The following FER1L6 variants were observed in gnomAD, a reference collection of about 807,000 sequenced individuals.
FER1L6 encodes fer-1 like family member 6, also known as fer-1-like protein 6.
A neutral mutation model predicts 219.2 loss-of-function variants in FER1L6; 177 were observed. The observed-to-expected ratio is 0.81, with a 90% CI of 0.71 to 0.91. The LOEUF is 0.91. FER1L6 is among the 40% of genes least tolerant of loss of function. FER1L6 has a pLI of 0.00. For synonymous variants in FER1L6, 768 were observed against 824.3 expected, an observed-to-expected ratio of 0.93 and a Z score of 1.17; for missense variants, 2,153 against 2,259.9, an observed-to-expected ratio of 0.95 and a Z score of 0.96.
At position 124,114,907 on chromosome 8, in the gene FER1L6, A is replaced by G. The variant is rs956445560; in HGVS notation, c.5290-3937A>G. On this transcript the variant is annotated intron_variant, in intron 39 of 40. Coordinates refer to ENST00000522917, the MANE Select transcript of FER1L6 (RefSeq NM_001039112.2). ...AGTGTGTGTGTGCGTATATATATATATATATATATATATATATATATATAT... is the reference window on the plus strand; with the variant it reads ...AGTGTGTGTGTGCGTATATATATATGTATATATATATATATATATATATAT... 1.4e-3 allele frequency among the ~76,000 whole-genome samples: 180 copies of G among 127,396 alleles called. 1 individual carries two copies. Among genetic ancestry groups the G allele is most frequent in the Middle Eastern group, 0.011 (3 of 272 alleles). The allele number at this position is 127,396 out of a possible 152,430, so 83.6% of individuals were successfully genotyped here.
intron 39 of FER1L6, among the ~76,000 whole-genome samples, chr8:124,115,500 G>A (rs1180379173): frequency 6.6e-6 from 1 of 152,132 alleles, no homozygotes; most frequent in East Asian, 1.9e-4. Context: ...CTCTAGGACA[G>A]AAGTAATTTA....
At chr8:124,057,189 T>C (rs936325455) in intron 22 of FER1L6, among the ~76,000 whole-genome samples, 9 of 152,378 alleles carry the variant, frequency 5.9e-5, no homozygotes, top group African/African-American at 1.9e-4. Flanking sequence ...AATCTCACTA[T>C]TTGACGCTGT....
rs1178557209 is a variant in FER1L6 at position 124,113,113 on chromosome 8, T to C, written c.5290-5731T>C. ...TAATGAGCATTCCCCTACATTATAC[T>C]AGCAATATTATTAACTCTTTATATT... On this transcript the variant is annotated intron_variant, in intron 39 of 40. Coordinates refer to ENST00000522917, the MANE Select transcript of FER1L6 (RefSeq NM_001039112.2). Among the ~76,000 whole-genome samples the C allele has an allele frequency of 2.0e-5, 3 of 152,206 alleles. 1 individual carries two copies. The highest frequency in any genetic ancestry group is 4.4e-5 in the Non-Finnish European group (3 of 68,028).
chr8:123,858,961 G>A (rs1177063090), intron 1 of FER1L6, among the ~76,000 whole-genome samples: 2 of 152,134 alleles, frequency 1.3e-5, no homozygotes, highest in East Asian at 3.9e-4. Flanking sequence ...AAATAATTGT[G>A]TGCATATATG....
intron 1 of FER1L6, among the ~76,000 whole-genome samples, chr8:123,896,703 A>G (rs774118849): frequency 6.6e-6 from 1 of 152,080 alleles, no homozygotes. Context: ...TTCCTTCTTA[A>G]AGACACATAA....
chr8:124,073,446 G>C (rs2130879815), intron 31 of FER1L6, among the ~76,000 whole-genome samples: 1 of 152,260 alleles, frequency 6.6e-6, no homozygotes, highest in South Asian at 2.1e-4. Flanking sequence ...GTTTGATTAT[G>C]TGTGGTTTGC....
Position 123,998,144 on chromosome 8 carries a change from C to A in FER1L6, c.1520-5023C>A, listed in dbSNP as rs994054988. On this transcript the variant is annotated intron_variant, in intron 12 of 40. Coordinates refer to ENST00000522917, the MANE Select transcript of FER1L6 (RefSeq NM_001039112.2). Reference sequence around the variant, plus strand: ...GTAGTCTGGGGTTGTTTGCGCCCATCCTTCTTAGGAAAGCTTTCTAGATAT... The same window carrying A: ...GTAGTCTGGGGTTGTTTGCGCCCATACTTCTTAGGAAAGCTTTCTAGATAT... Among the ~76,000 whole-genome samples the A allele has an allele frequency of 5.3e-5, 8 of 152,038 alleles. No homozygotes were observed. The East Asian group carries it at 1.5e-3, about 29-fold the overall frequency.
chr8:123,865,312 C>A (rs1368840782), intron 1 of FER1L6, among the ~76,000 whole-genome samples: 44 of 149,814 alleles, frequency 2.9e-4, no homozygotes, highest in Non-Finnish European at 5.2e-4. Context: ...GGGTCAGGGA[C>A]CCACTTGAGG....
intron 13 of FER1L6, among the ~76,000 whole-genome samples, chr8:124,007,667 T>A (rs369853391): frequency 1.3e-5 from 2 of 152,208 alleles, no homozygotes; most frequent in East Asian, 3.9e-4. Context: ...CAGCTTCCCC[T>A]TTTAGCTACT....
intron 1 of FER1L6, among the ~76,000 whole-genome samples, chr8:123,955,747 G>A (rs553274166): frequency 4.6e-5 from 7 of 152,130 alleles, no homozygotes; most frequent in East Asian, 1.9e-4. Context: ...AGTTTGCCTC[G>A]CCTACGTGCA....
chr8:123,964,830 C>T (rs1247903070), intron 3 of FER1L6, among the ~76,000 whole-genome samples: 1 of 152,154 alleles, frequency 6.6e-6, no homozygotes, highest in Non-Finnish European at 1.5e-5. Context: ...GACTTTTTTT[C>T]TCAACAGCTC....
At chr8:124,115,896 T>C (rs1050166465) in intron 39 of FER1L6, among the ~76,000 whole-genome samples, 2 of 152,208 alleles carry the variant, frequency 1.3e-5, no homozygotes, top group East Asian at 3.8e-4. Context: ...GCTATATGTG[T>C]TGTGCTATGC....
chr8:124,030,851 C>T (rs189442748), intron 18 of FER1L6, among the ~76,000 whole-genome samples: 1 of 152,286 alleles, frequency 6.6e-6, no homozygotes, highest in Admixed American at 6.5e-5. Context: ...CTACCTCTCT[C>T]TCTCCTTCTC....
rs770140584 is a variant in FER1L6 at position 124,103,232 on chromosome 8, G to A, written c.5212G>A (p.Glu1738Lys). 1 of 1,614,152 alleles carries A rather than the reference G, an allele frequency of 6.2e-7. No homozygotes were observed. Among genetic ancestry groups the A allele is most frequent in the Admixed American group, 1.7e-5 (1 of 60,030 alleles). ...CDLAKFENAS[E>K]ETKISIFQQK... The stretch of plus-strand genomic sequence containing the variant: ...TCTTGCCAAGTTTGAAAATGCAAGT[G>A]AGGAGACCAAGATCTCTATATTCCA... The change falls in exon 39 of 41, where the codon GAG becomes AAG. Residue 1738 changes from glutamate to lysine, a missense_variant. Transcript: ENST00000522917.
At chr8:123,999,316 C>A (rs1253995694) in intron 12 of FER1L6, among the ~76,000 whole-genome samples, 1 of 152,228 alleles carries the variant, frequency 6.6e-6, no homozygotes, top group East Asian at 1.9e-4. Context: ...CCTTTCAAGG[C>A]AGAGGGTTCC....
At chr8:123,887,708 TG>T (rs1394122708) in intron 1 of FER1L6, among the ~76,000 whole-genome samples, 2 of 152,148 alleles carry the variant, frequency 1.3e-5, no homozygotes, top group Non-Finnish European at 2.9e-5. Context: ...TGTGTGTGTG[TG>T]TCTGGGCAAG....
intron 18 of FER1L6, among the ~76,000 whole-genome samples, chr8:124,028,673 T>C (rs1219771588): frequency 6.6e-6 from 1 of 152,236 alleles, no homozygotes; most frequent in Admixed American, 6.5e-5. Flanking sequence ...TTTAAGAAGT[T>C]GCAGTTGTAA....
At chr8:123,963,974 C>A (rs1815417635) in intron 3 of FER1L6, among the ~76,000 whole-genome samples, 1 of 152,228 alleles carries the variant, frequency 6.6e-6, no homozygotes, top group African/African-American at 2.4e-5. Flanking sequence ...CATTTGGCAG[C>A]TCTGCTGGTT....
chr8:124,066,324 T>C, intron 26 of FER1L6, 104 bp from the exon 27 acceptor site: 1 of 1,347,188 alleles, frequency 7.4e-7, no homozygotes, highest in Non-Finnish European at 1.0e-6. Context: ...CTCTGTGTGT[T>C]TTCCAGTGGA....
Sources: gnomAD v4.1 joint callset for allele counts (sites outside exome capture counted in the v4.1 genomes callset) on GRCh38, gnomAD v4.1.1 for gene constraint, MANE v1.5 for transcripts, NCBI Gene and HGNC (gene_info 2026-07-23, HGNC 2026-07-21) for gene names.